The following TACR3 variants were observed in gnomAD, a reference collection of about 807,000 sequenced individuals.
The protein encoded by TACR3 is tachykinin receptor 3, also known as neuromedin-K receptor.
A neutral mutation model predicts 35.0 loss-of-function variants in TACR3; 34 were observed. That is an observed-to-expected ratio of 0.97 (90% CI 0.74 to 1.30). The LOEUF (loss-of-function observed/expected upper bound fraction) is 1.30. Ranked by LOEUF, TACR3 falls within the 50% of genes most tolerant of loss-of-function variation. TACR3 has a pLI of 0.00. For synonymous variants in TACR3, 233 were observed against 221.1 expected (o/e 1.05, Z -0.48); for missense variants, 558 against 591.7 (o/e 0.94, Z 0.59).
intron 3 of TACR3, among the ~76,000 whole-genome samples, chr4:103,649,511 T>G (rs1280607132): frequency 7.8e-6 from 1 of 128,394 alleles, no homozygotes; most frequent in Non-Finnish European, 1.6e-5. Flanking sequence ...GCTGTAGGTA[T>G]GCTTCATTGT....
chr4:103,621,580 T>C (rs760956987), intron 3 of TACR3, among the ~76,000 whole-genome samples: 15 of 152,184 alleles, frequency 9.9e-5, no homozygotes, highest in Non-Finnish European at 1.2e-4. Flanking sequence ...AAAATAACTA[T>C]ATGAGTACAT....
chr4:103,608,124 C>T (rs921551410), intron 3 of TACR3, among the ~76,000 whole-genome samples: 2 of 152,050 alleles, frequency 1.3e-5, no homozygotes, highest in African/African-American at 2.4e-5. Flanking sequence ...TTCGTTACCA[C>T]GCTATTCACA....
At chr4:103,647,859 T>A (rs1013862681) in intron 3 of TACR3, among the ~76,000 whole-genome samples, 4 of 151,952 alleles carry the variant, frequency 2.6e-5, no homozygotes, top group Non-Finnish European at 5.9e-5. Context: ...ATAATAAAAA[T>A]CGAGTGGGAG....
At chr4:103,668,566 G>T (rs997954074) in intron 1 of TACR3, among the ~76,000 whole-genome samples, 1 of 151,682 alleles carries the variant, frequency 6.6e-6, no homozygotes, top group African/African-American at 2.4e-5. Context: ...CAGTTGTTTC[G>T]GCCAGGTGTG....
chr4:103,624,733 CATT>C (rs1243899442), intron 3 of TACR3, among the ~76,000 whole-genome samples: 1 of 152,044 alleles, frequency 6.6e-6, no homozygotes, highest in African/African-American at 2.4e-5. Context: ...TAAGACAAAA[CATT>C]ATTTTTCTAT....
In TACR3 at chr4:103,681,076, T is replaced by A. The variant is rs576076444; in HGVS notation, c.549-22673A>T. ...AAATAGAGCATAATATTCTTCCTTTTAAAATATTACACTCAACAGATTTGC... is the reference window on the plus strand; with the variant it reads ...AAATAGAGCATAATATTCTTCCTTTAAAAATATTACACTCAACAGATTTGC... On this transcript the variant is annotated intron_variant, in intron 1 of 4. Coordinates refer to ENST00000304883, the MANE Select transcript of TACR3 (RefSeq NM_001059.3). Among the ~76,000 whole-genome samples the A allele has an allele frequency of 3.0e-4, 46 of 152,110 alleles. 1 individual carries two copies. Among genetic ancestry groups the A allele is most frequent in the Non-Finnish European group, 5.4e-4 (37 of 67,928 alleles).
intron 3 of TACR3, among the ~76,000 whole-genome samples, chr4:103,594,256 C>A (rs543098868): frequency 2.6e-5 from 4 of 151,740 alleles, no homozygotes; most frequent in African/African-American, 9.7e-5. Flanking sequence ...TGGCTCACTG[C>A]AACCTCTGCC....
chr4:103,657,200 G>C (rs372955614), intron 2 of TACR3, among the ~76,000 whole-genome samples: 1 of 147,656 alleles, frequency 6.8e-6, no homozygotes, highest in Non-Finnish European at 1.5e-5. Flanking sequence ...TTGTTAGAAC[G>C]GTCTTCTCCA....
At chr4:103,597,781 C>G (rs527537373) in intron 3 of TACR3, among the ~76,000 whole-genome samples, 3 of 152,282 alleles carry the variant, frequency 2.0e-5, no homozygotes, top group African/African-American at 7.2e-5. Flanking sequence ...AGGACATGAA[C>G]TCATCATAAT....
intron 1 of TACR3, among the ~76,000 whole-genome samples, chr4:103,691,230 T>G (rs1381383347): frequency 6.6e-6 from 1 of 152,170 alleles, no homozygotes; most frequent in East Asian, 1.9e-4. Context: ...GTAAACAAAC[T>G]GTGGAGCAGC....
intron 1 of TACR3, among the ~76,000 whole-genome samples, chr4:103,701,463 G>A (rs1447726862): frequency 6.6e-6 from 1 of 152,056 alleles, no homozygotes; most frequent in Non-Finnish European, 1.5e-5. Context: ...TTGTGAAAAT[G>A]GCCATACTGC....
In TACR3 at chr4:103,586,977, A is replaced by C. The variant is rs1288500050; in HGVS notation, c.*2705T>G. 6.6e-6 allele frequency: 1 copy of C among 152,028 alleles called. No homozygotes were observed. Among genetic ancestry groups the C allele is most frequent in the Non-Finnish European group, 1.5e-5 (1 of 67,992 alleles). The allele number at this position is 152,028 out of a possible 1,614,324, so 9.4% of individuals were successfully genotyped here. A position where few individuals can be genotyped will look rare whatever the true frequency, so the allele number is the denominator to read the frequency against. On this transcript the variant is annotated 3_prime_UTR_variant, in exon 5 of 5. Coordinates refer to ENST00000304883, the MANE Select transcript of TACR3 (RefSeq NM_001059.3). ...TAAAAATATTTTGAATTTTTCTGAT[A>C]CTGATCTAAGTAAAAAAACCTGGGC... is the stretch of plus-strand genomic sequence containing the variant.
At chr4:103,661,482 C>A (rs1725835622) in intron 1 of TACR3, among the ~76,000 whole-genome samples, 2 of 152,044 alleles carry the variant, frequency 1.3e-5, no homozygotes. Flanking sequence ...CTTGCTCTGG[C>A]ATCTAATGAA....
chr4:103,603,363 C>T (rs1724258992), intron 3 of TACR3, among the ~76,000 whole-genome samples: 1 of 152,226 alleles, frequency 6.6e-6, no homozygotes, highest in Non-Finnish European at 1.5e-5. Flanking sequence ...TTATGCCTCG[C>T]CCTGCTTTGG....
At chr4:103,680,353 T>C (rs1726263974) in intron 1 of TACR3, among the ~76,000 whole-genome samples, 3 of 151,316 alleles carry the variant, frequency 2.0e-5, no homozygotes, top group Admixed American at 6.6e-5. Flanking sequence ...TTAAGCTTGT[T>C]TGGAGAAAAA....
At chr4:103,717,738 A>G (rs1723122125) in intron 1 of TACR3, among the ~76,000 whole-genome samples, 1 of 152,198 alleles carries the variant, frequency 6.6e-6, no homozygotes, top group Non-Finnish European at 1.5e-5. Flanking sequence ...GAAGCTGCTC[A>G]AACAAAAGGA....
rs200328504 is a variant in TACR3 at position 103,591,708 on chromosome 4, G to C, written c.889-25C>G. Reference sequence around the variant, plus strand: ...CCTATAAAGAAAAAAAGTCATTTTTGACAAATATAATACTCATAATAGTTC... The same window carrying C: ...CCTATAAAGAAAAAAAGTCATTTTTCACAAATATAATACTCATAATAGTTC... On this transcript the variant is annotated intron_variant, in intron 3 of 4. Transcript: ENST00000304883. The C allele has an allele frequency of 9.8e-5, 156 of 1,585,596 alleles. No homozygotes were observed. In the East Asian group the frequency reaches 3.2e-3, roughly 33 times the overall value.
Position 103,677,509 on chromosome 4 carries a change from G to A in TACR3, c.549-19106C>T, listed in dbSNP as rs139051302. Among the ~76,000 whole-genome samples the A allele has an allele frequency of 3.3e-5, 5 of 152,214 alleles. No homozygotes were observed. In the East Asian group the frequency reaches 7.7e-4, roughly 23 times the overall value. Reference sequence around the variant, plus strand: ...AAAGAAAATGTGGTACATATACCACGGAATACTATGCAGCCCTAAAAAGGA... The same window carrying A: ...AAAGAAAATGTGGTACATATACCACAGAATACTATGCAGCCCTAAAAAGGA... On this transcript the variant is annotated intron_variant, in intron 1 of 4. Coordinates refer to ENST00000304883, the MANE Select transcript of TACR3 (RefSeq NM_001059.3).
chr4:103,706,967 GT>G (rs1459257616), intron 1 of TACR3, among the ~76,000 whole-genome samples: 1 of 152,104 alleles, frequency 6.6e-6, no homozygotes, highest in African/African-American at 2.4e-5. Context: ...CTTTCTTGCA[GT>G]TTTATCTTTG....
Sources: gnomAD v4.1 joint callset for allele counts (sites outside exome capture counted in the v4.1 genomes callset) on GRCh38, gnomAD v4.1.1 for gene constraint, MANE v1.5 for transcripts, NCBI Gene and HGNC (gene_info 2026-07-23, HGNC 2026-07-21) for gene names.